PDE11A: variants seen among roughly 807,000 people sequenced by gnomAD.
PDE11A encodes dual 3',5'-cyclic-AMP and -GMP phosphodiesterase 11A.
A neutral mutation model predicts 100.5 loss-of-function variants in PDE11A; 100 were observed. The observed-to-expected ratio is 1.00, with a 90% CI of 0.85 to 1.18. PDE11A has a LOEUF of 1.18. Ranked by LOEUF, PDE11A falls within the 50% of genes most tolerant of loss-of-function variation. The pLI is 0.00. For synonymous variants in PDE11A, 381 were observed against 420.8 expected (o/e 0.91, Z 1.16); for missense variants, 1,141 against 1,152.6 (o/e 0.99, Z 0.15).
At chr2:178,053,381 T>C (rs1574370487) in intron 1 of PDE11A, among the ~76,000 whole-genome samples, 1 of 152,218 alleles carries the variant, frequency 6.6e-6, no homozygotes, top group African/African-American at 2.4e-5. Flanking sequence ...ATAAGAGCTA[T>C]TTATGACAGA....
At chr2:178,053,585 C>T (rs893462047) in intron 1 of PDE11A, among the ~76,000 whole-genome samples, 5 of 152,166 alleles carry the variant, frequency 3.3e-5, no homozygotes, top group African/African-American at 1.2e-4. Flanking sequence ...TCCCTGTTTG[C>T]AGATGAAATG....
intron 9 of PDE11A, among the ~76,000 whole-genome samples, chr2:177,792,235 T>C (rs891823336): frequency 2.0e-5 from 3 of 152,202 alleles, no homozygotes; most frequent in Non-Finnish European, 4.4e-5. Flanking sequence ...TATTTGCTTT[T>C]CTCATTAATA....
intron 6 of PDE11A, among the ~76,000 whole-genome samples, chr2:177,827,512 G>A (rs2083244498): frequency 6.6e-6 from 1 of 152,190 alleles, no homozygotes; most frequent in African/African-American, 2.4e-5. Flanking sequence ...TAGGCAAAAA[G>A]CAAATACTGC....
At chr2:178,072,820 C>T (rs78003466), upstream of PDE11A, 1 of 1,199,744 alleles carries the variant, frequency 8.3e-7, no homozygotes. Flanking sequence ...GCAGGACACG[C>T]CCCTGAGTGA....
rs188832943 is a variant in PDE11A at position 177,884,401 on chromosome 2, T to C, written c.1303-8478A>G. 1.2e-3 allele frequency among the ~76,000 whole-genome samples: 190 copies of C among 152,348 alleles called. 2 individuals carry two copies. The highest frequency in any genetic ancestry group is 4.2e-3 in the African/African-American group (175 of 41,588). ...TTGAGATGTTCACCATTAATGAGCA[T>C]TCTCCCTATTGCAATAGCCAGATGA... On this transcript the variant is annotated intron_variant, in intron 4 of 19. Coordinates refer to ENST00000286063, the MANE Select transcript of PDE11A (RefSeq NM_016953.4).
At chr2:177,887,508 A>G (rs145829513) in intron 4 of PDE11A, among the ~76,000 whole-genome samples, 1,544 of 152,300 alleles carry the variant, frequency 0.01, 31 homozygotes, top group African/African-American at 0.036. Flanking sequence ...TCATGCTTGT[A>G]ATCCCAACAC....
At chr2:178,081,543 T>C (rs1395493638) in intron 2 of PDE11A, among the ~76,000 whole-genome samples, 1 of 152,208 alleles carries the variant, frequency 6.6e-6, no homozygotes, top group Non-Finnish European at 1.5e-5. Flanking sequence ...AATGGCATCT[T>C]TCTCAGCCTG....
At chr2:178,063,018 G>A (rs370419411) in intron 1 of PDE11A, among the ~76,000 whole-genome samples, 1 of 152,236 alleles carries the variant, frequency 6.6e-6, no homozygotes, top group South Asian at 2.1e-4. Flanking sequence ...GTTTGCAAGT[G>A]CTTGAGCCAA....
chr2:177,920,042 T>C (rs973960514), intron 2 of PDE11A, among the ~76,000 whole-genome samples: 1 of 152,074 alleles, frequency 6.6e-6, no homozygotes, highest in African/African-American at 2.4e-5. Flanking sequence ...GAAAAAAGCC[T>C]AAAAATTAGA....
At chr2:178,085,710 AATCCAGAG>A (rs2087342854) in intron 2 of PDE11A, among the ~76,000 whole-genome samples, 1 of 152,164 alleles carries the variant, frequency 6.6e-6, no homozygotes, top group African/African-American at 2.4e-5. Flanking sequence ...GAAAATAGAG[AATCCAGAG>A]ATCCTAGAAG....
intron 9 of PDE11A, among the ~76,000 whole-genome samples, chr2:177,770,824 T>C (rs543833144): frequency 1.3e-5 from 2 of 152,284 alleles, no homozygotes; most frequent in Admixed American, 1.3e-4. Context: ...GCCAGACACA[T>C]GTTTGTTGTG....
intron 16 of PDE11A, chr2:177,675,947 G>A (rs1471860954): frequency 2.5e-5 from 8 of 316,266 alleles, no homozygotes; most frequent in East Asian, 8.1e-5. Flanking sequence ...GGGAACAAAA[G>A]AAAACCCACA....
chr2:177,894,313 C>T (rs1156733075), intron 4 of PDE11A, among the ~76,000 whole-genome samples: 1 of 152,176 alleles, frequency 6.6e-6, no homozygotes, highest in African/African-American at 2.4e-5. Flanking sequence ...TCTCCCACCA[C>T]CTCCACAGGC....
At chr2:177,966,839 G>A (rs1020262797) in intron 2 of PDE11A, among the ~76,000 whole-genome samples, 1 of 152,110 alleles carries the variant, frequency 6.6e-6, no homozygotes, top group Non-Finnish European at 1.5e-5. Context: ...TCTCTGTAAG[G>A]TTTTTGTAAC....
intron 2 of PDE11A, among the ~76,000 whole-genome samples, chr2:177,979,147 C>A (rs2085846722): frequency 1.3e-5 from 2 of 150,050 alleles, no homozygotes; most frequent in South Asian, 2.2e-4. Flanking sequence ...AAGCTTCCCC[C>A]TTTCCCCAAC....
intron 19 of PDE11A, among the ~76,000 whole-genome samples, chr2:177,636,730 G>C (rs1344913674): frequency 6.6e-6 from 1 of 152,046 alleles, no homozygotes; most frequent in Non-Finnish European, 1.5e-5. Context: ...TTATGGTGGG[G>C]GCTGTCTTTT....
chr2:177,931,875 G>C (rs1304449465), intron 2 of PDE11A, among the ~76,000 whole-genome samples: 2 of 128,592 alleles, frequency 1.6e-5, no homozygotes, highest in Non-Finnish European at 3.3e-5. Context: ...GTTTTTGAAA[G>C]GATAAACAAG....
At chr2:178,094,135 C>T (rs989358310) in intron 2 of PDE11A, among the ~76,000 whole-genome samples, 1 of 152,036 alleles carries the variant, frequency 6.6e-6, no homozygotes, top group Non-Finnish European at 1.5e-5. Flanking sequence ...ATAACCAGCA[C>T]AAGAAAGTAC....
chr2:178,082,408 A>C (rs554668562), intron 2 of PDE11A, among the ~76,000 whole-genome samples: 36 of 152,182 alleles, frequency 2.4e-4, no homozygotes, highest in Non-Finnish European at 4.6e-4. Flanking sequence ...TTTTTTAAAA[A>C]CCATATGTCA....
Sources: gnomAD v4.1 joint callset for allele counts (sites outside exome capture counted in the v4.1 genomes callset) on GRCh38, gnomAD v4.1.1 for gene constraint, MANE v1.5 for transcripts, NCBI Gene and HGNC (gene_info 2026-07-23, HGNC 2026-07-21) for gene names.